PDE4D: variants seen among roughly 807,000 people sequenced by gnomAD.
PDE4D encodes phosphodiesterase 4D.
Under a neutral mutation model 87.4 loss-of-function variants are expected in PDE4D, and 24 were observed. The observed-to-expected ratio is 0.27, with a 90% CI of 0.20 to 0.39. The LOEUF (loss-of-function observed/expected upper bound fraction) is 0.39, where lower values mean the gene tolerates loss of function less well. Ranked by LOEUF, PDE4D falls within the 10% of genes least tolerant of loss-of-function variation. The probability of loss-of-function intolerance (pLI) is 1.00; values close to 1 mark genes in which losing one functional copy is unlikely to be tolerated. For synonymous variants in PDE4D, 384 were observed against 383.2 expected (o/e 1.00, Z -0.02); for missense variants, 714 against 1,041.0 (o/e 0.69, Z 4.32).
intron 1 of PDE4D, among the ~76,000 whole-genome samples, chr5:60,516,172 C>T (rs1583972500): frequency 6.6e-6 from 1 of 152,106 alleles, no homozygotes; most frequent in Non-Finnish European, 1.5e-5. Flanking sequence ...ATCAATATAT[C>T]AATGTAATAA....
chr5:59,705,852 A>G (rs556437119), intron 1 of PDE4D, among the ~76,000 whole-genome samples: 125 of 152,242 alleles, frequency 8.2e-4, no homozygotes, highest in African/African-American at 2.9e-3. Flanking sequence ...TGTAGGATCA[A>G]CTATGCAAAG....
intron 12 of PDE4D, 141 bp downstream of exon 12, chr5:58,977,050 A>T: frequency 1.4e-6 from 1 of 708,940 alleles, no homozygotes; most frequent in African/African-American, 1.8e-5. Context: ...AGCCAGCATC[A>T]CGGGCAGCTT....
chr5:59,744,592 T>C (rs536531157), intron 1 of PDE4D, among the ~76,000 whole-genome samples: 1 of 152,282 alleles, frequency 6.6e-6, no homozygotes, highest in African/African-American at 2.4e-5. Context: ...GAGAGGAAGC[T>C]ATCTAGAGCC....
intron 1 of PDE4D, among the ~76,000 whole-genome samples, chr5:59,779,260 A>C (rs1450193764): frequency 6.6e-6 from 1 of 152,068 alleles, no homozygotes; most frequent in Non-Finnish European, 1.5e-5. Context: ...ATGTATTCTC[A>C]TTGTAAAAAT....
chr5:59,884,770 G>A (rs1749921469), intron 1 of PDE4D, among the ~76,000 whole-genome samples: 2 of 152,066 alleles, frequency 1.3e-5, no homozygotes, highest in South Asian at 4.1e-4. Flanking sequence ...ATTGTTCACT[G>A]AAAATGTACA....
intron 1 of PDE4D, among the ~76,000 whole-genome samples, chr5:59,710,584 G>A (rs974337105): frequency 2.0e-5 from 3 of 151,696 alleles, no homozygotes; most frequent in Non-Finnish European, 4.4e-5. Context: ...TAATGTCAAT[G>A]TTAAAAATAA....
intron 2 of PDE4D, among the ~76,000 whole-genome samples, chr5:60,095,597 C>T (rs1181816546): frequency 6.6e-6 from 1 of 152,118 alleles, no homozygotes; most frequent in Non-Finnish European, 1.5e-5. Context: ...AATGGTATTT[C>T]TGGTTTGAGA....
chr5:60,441,560 TG>T (rs1232475617), intron 1 of PDE4D, among the ~76,000 whole-genome samples: 2 of 152,070 alleles, frequency 1.3e-5, no homozygotes, highest in African/African-American at 4.8e-5. Context: ...CCAAAAGCAA[TG>T]GCAACAAAAG....
chr5:60,167,266 C>CTTTTTTTT (rs142613050), intron 2 of PDE4D, among the ~76,000 whole-genome samples: 8 of 86,480 alleles, frequency 9.3e-5, no homozygotes, highest in Non-Finnish European at 1.7e-4. Context: ...TGTGTATTTT[C>CTTTTTTTT]TTTTTTTTTT....
At chr5:59,703,064 C>T (rs1306138207) in intron 1 of PDE4D, among the ~76,000 whole-genome samples, 1 of 151,998 alleles carries the variant, frequency 6.6e-6, no homozygotes, top group East Asian at 1.9e-4. Flanking sequence ...TAGAAATGTT[C>T]CCTGAGTCTC....
chr5:60,271,021 T>C (rs1368699030), intron 1 of PDE4D, among the ~76,000 whole-genome samples: 1 of 152,200 alleles, frequency 6.6e-6, no homozygotes, highest in East Asian at 1.9e-4. Flanking sequence ...AGGAAGTTGA[T>C]GTTCTCTTCA....
chr5:59,770,776 C>T (rs564077140), intron 1 of PDE4D, among the ~76,000 whole-genome samples: 1 of 152,142 alleles, frequency 6.6e-6, no homozygotes, highest in Non-Finnish European at 1.5e-5. Flanking sequence ...CAGTTCCATT[C>T]AACAAACATT....
intron 1 of PDE4D, among the ~76,000 whole-genome samples, chr5:60,239,575 T>C (rs1320199423): frequency 1.3e-5 from 2 of 152,174 alleles, no homozygotes. Flanking sequence ...AAGTATAGTA[T>C]ATCTTTCTAT....
At chr5:59,974,195 G>A (rs1257660415) in intron 3 of PDE4D, among the ~76,000 whole-genome samples, 1 of 152,072 alleles carries the variant, frequency 6.6e-6, no homozygotes, top group Non-Finnish European at 1.5e-5. Context: ...TGACGAACTG[G>A]AATAATGCTT....
chr5:59,773,133 GA>G (rs1339164672), intron 1 of PDE4D, among the ~76,000 whole-genome samples: 5 of 152,176 alleles, frequency 3.3e-5, no homozygotes, highest in Non-Finnish European at 5.9e-5. Context: ...ACACTTAGTA[GA>G]TATCAATTAT....
intron 1 of PDE4D, among the ~76,000 whole-genome samples, chr5:59,229,306 C>T (rs1028976181): frequency 1.7e-4 from 26 of 152,220 alleles, no homozygotes; most frequent in South Asian, 4.1e-4. Context: ...CCATGGTTAT[C>T]TGTGTAGTTC....
At chr5:59,858,724 C>A (rs1745824693) in intron 1 of PDE4D, among the ~76,000 whole-genome samples, 4 of 152,136 alleles carry the variant, frequency 2.6e-5, no homozygotes, top group African/African-American at 4.8e-5. Flanking sequence ...TAAATAATTT[C>A]TTGTTTTAAG....
At chr5:59,768,168 C>A in intron 1 of PDE4D, 1 of 1,532,610 alleles carries the variant, frequency 6.5e-7, no homozygotes, top group Non-Finnish European at 8.8e-7. Flanking sequence ...CCCTCCCTAC[C>A]CCCAAAATTA....
intron 1 of PDE4D, among the ~76,000 whole-genome samples, chr5:59,228,373 C>G (rs777886494): frequency 9.3e-5 from 14 of 151,236 alleles, no homozygotes; most frequent in Admixed American, 2.6e-4. Context: ...ACAAGTTTAC[C>G]TATATAACAA....
Sources: allele counts gnomAD v4.1 joint callset (sites outside exome capture counted in the v4.1 genomes callset), GRCh38; gene constraint gnomAD v4.1.1; transcripts MANE v1.5; gene names NCBI Gene and HGNC (gene_info 2026-07-23, HGNC 2026-07-21).